MYO1D: variants seen among roughly 807,000 people sequenced by gnomAD.
MYO1D encodes unconventional myosin-Id.
MYO1D carries 83 observed loss-of-function variants against 122.0 expected under a neutral mutation model. The ratio of observed to expected loss-of-function variants is 0.68; its 90% CI spans 0.57 to 0.82. The LOEUF is 0.82. Ranked by LOEUF, MYO1D falls within the 40% of genes least tolerant of loss-of-function variation. The probability of loss-of-function intolerance (pLI) is 0.00; values close to 1 mark genes in which losing one functional copy is unlikely to be tolerated. For missense variants in MYO1D, 1,157 were observed against 1,269.5 expected (o/e 0.91, Z 1.35); for synonymous variants, 464 against 446.9 (o/e 1.04, Z -0.48).
intron 14 of MYO1D, among the ~76,000 whole-genome samples, chr17:32,730,768 G>A (rs772400414): frequency 2.6e-5 from 4 of 152,052 alleles, no homozygotes; most frequent in Non-Finnish European, 4.4e-5. Flanking sequence ...GATTCATTGG[G>A]CTTCCTGATT....
At chr17:32,496,084 A>C (rs144963259) in intron 21 of MYO1D, 41 of 152,444 alleles carry the variant, frequency 2.7e-4, no homozygotes, top group African/African-American at 9.9e-4. Context: ...TCACCAGGCC[A>C]TGAGCACGTG....
intron 16 of MYO1D, among the ~76,000 whole-genome samples, chr17:32,703,586 C>T (rs1015396597): frequency 4.0e-5 from 6 of 151,698 alleles, no homozygotes; most frequent in African/African-American, 7.3e-5. Flanking sequence ...TGGCTATTGA[C>T]GATTTTGATC....
intron 1 of MYO1D, among the ~76,000 whole-genome samples, chr17:32,820,767 G>A (rs191524204): frequency 7.9e-5 from 12 of 152,256 alleles, no homozygotes; most frequent in South Asian, 6.2e-4. Context: ...TGATGACTAC[G>A]TTAATTAGCT....
chr17:32,799,228 C>T (rs2090441326), intron 1 of MYO1D, among the ~76,000 whole-genome samples: 1 of 152,002 alleles, frequency 6.6e-6, no homozygotes, highest in African/African-American at 2.4e-5. Context: ...ATGGAAAAAA[C>T]AAATAATTTT....
chr17:32,593,138 G>T (rs556472066), intron 21 of MYO1D, among the ~76,000 whole-genome samples: 1 of 152,172 alleles, frequency 6.6e-6, no homozygotes, highest in African/African-American at 2.4e-5. Context: ...TTGAGTCAGT[G>T]GGAACATTTC....
chr17:32,689,742 G>A (rs192630638), intron 16 of MYO1D, among the ~76,000 whole-genome samples: 1 of 149,258 alleles, frequency 6.7e-6, no homozygotes, highest in East Asian at 2.0e-4. Flanking sequence ...TTTTTGAGAT[G>A]GAGTCTCGCT....
chr17:32,582,955 T>C (rs1361612657), intron 21 of MYO1D, among the ~76,000 whole-genome samples: 1 of 152,234 alleles, frequency 6.6e-6, no homozygotes, highest in Non-Finnish European at 1.5e-5. Flanking sequence ...TCTTAAAAAT[T>C]TGCTTGTGTA....
intron 1 of MYO1D, among the ~76,000 whole-genome samples, chr17:32,790,533 G>A (rs186253818): frequency 6.6e-6 from 1 of 152,156 alleles, no homozygotes; most frequent in Non-Finnish European, 1.5e-5. Flanking sequence ...AAGGAATAGA[G>A]GACATATCTA....
At chr17:32,593,108 A>C (rs1166732351) in intron 21 of MYO1D, among the ~76,000 whole-genome samples, 1 of 118,540 alleles carries the variant, frequency 8.4e-6, no homozygotes, top group Non-Finnish European at 1.9e-5. Context: ...TGCCATGACA[A>C]CCATTACTCT....
intron 21 of MYO1D, among the ~76,000 whole-genome samples, chr17:32,563,024 G>C (rs8066363): frequency 6.6e-6 from 1 of 151,810 alleles, no homozygotes; most frequent in Non-Finnish European, 1.5e-5. Flanking sequence ...CTGCATTCTC[G>C]TGAATGTAGA....
rs1297929891 is a variant in MYO1D, at chr17:32,748,937, C to T, written c.1537G>A (p.Val513Ile). Residue 513 changes from valine to isoleucine, a missense_variant and splice_region_variant, in exon 12 of 22, where the codon GTC becomes ATC. Physicochemically the swap from Val to Ile is conservative, Grantham distance 29. Coordinates refer to ENST00000318217, the MANE Select transcript of MYO1D (RefSeq NM_015194.3). ...TAGGTACCAAGGTAAGATACTCACACTACATCGCCTGCATAATGTCGAATT... is the reference window on the plus strand; with the variant it reads ...TAGGTACCAAGGTAAGATACTCACATTACATCGCCTGCATAATGTCGAATT... ...FRIRHYAGDV[V>I]YSVIGFIDKN... is the part of the protein sequence containing the mutation. 3 of 1,612,638 alleles carry T rather than the reference C, an allele frequency of 1.9e-6. No homozygotes were observed. The highest frequency in any genetic ancestry group is 3.3e-5 in the Admixed American group (2 of 60,014).
At chr17:32,852,849 C>T (rs922880404) in intron 1 of MYO1D, among the ~76,000 whole-genome samples, 1 of 151,834 alleles carries the variant, frequency 6.6e-6, no homozygotes, top group Non-Finnish European at 1.5e-5. Flanking sequence ...ATGGTATTTA[C>T]CTTCACTTCT....
At chr17:32,565,560 G>T (rs396353) in intron 21 of MYO1D, among the ~76,000 whole-genome samples, 6 of 151,902 alleles carry the variant, frequency 3.9e-5, no homozygotes, top group African/African-American at 1.5e-4. Flanking sequence ...CATATGGCCG[G>T]TGACATAATT....
At chr17:32,663,849 T>C (rs922434085) in intron 16 of MYO1D, among the ~76,000 whole-genome samples, 3 of 152,252 alleles carry the variant, frequency 2.0e-5, no homozygotes, top group African/African-American at 7.2e-5. Context: ...CCATGCTCCA[T>C]TCTTCTCTTT....
Position 32,755,658 on chromosome 17 carries a change from T to C in MYO1D, c.1301A>G (p.Asp434Gly), listed in dbSNP as rs1293371698. The change falls in exon 11 of 22, where the codon GAC becomes GGC. Residue 434 changes from aspartate to glycine, a missense_variant. Asp to Gly is a moderately conservative substitution (Grantham distance 94). Transcript: ENST00000318217. ...AACAATGATCTGATTGTTGAAGTAG[T>C]CAATCTGTAGGACACAGCAAGGAGG... Reference protein sequence around the residue: ...QREGIPWKHIDYFNNQIIVDL... With the variant: ...QREGIPWKHIGYFNNQIIVDL... The C allele has an allele frequency of 6.2e-7, 1 of 1,612,948 alleles. No homozygotes were observed. The highest frequency in any genetic ancestry group is 8.5e-7 in the Non-Finnish European group (1 of 1,179,358).
At chr17:32,539,276 T>TACACACAC (rs5819986) in intron 21 of MYO1D, among the ~76,000 whole-genome samples, 213 of 133,510 alleles carry the variant, frequency 1.6e-3, no homozygotes, top group East Asian at 8.0e-3. Context: ...ACCCTGTCTC[T>TACACACAC]ACACACACAC....
intron 21 of MYO1D, among the ~76,000 whole-genome samples, chr17:32,495,200 G>A (rs1909048277): frequency 1.3e-5 from 2 of 152,260 alleles, no homozygotes; most frequent in Admixed American, 6.5e-5. Flanking sequence ...CCAGGTCTCT[G>A]GCTGGGGCTG....
chr17:32,838,602 G>A (rs1247011660), intron 1 of MYO1D, among the ~76,000 whole-genome samples: 1 of 150,670 alleles, frequency 6.6e-6, no homozygotes, highest in African/African-American at 2.4e-5. Flanking sequence ...TATTAAGGGC[G>A]AGATCACACA....
At chr17:32,593,379 T>C (rs138769682) in intron 21 of MYO1D, among the ~76,000 whole-genome samples, 2 of 152,316 alleles carry the variant, frequency 1.3e-5, no homozygotes, top group Non-Finnish European at 2.9e-5. Flanking sequence ...CCCAGTAGCA[T>C]GCTTTCTGAG....
Sources: gnomAD v4.1 joint callset for allele counts (sites outside exome capture counted in the v4.1 genomes callset) on GRCh38, gnomAD v4.1.1 for gene constraint, MANE v1.5 for transcripts, NCBI Gene and HGNC (gene_info 2026-07-23, HGNC 2026-07-21) for gene names.